The following LDLRAD4 variants were observed in gnomAD, a reference collection of about 807,000 sequenced individuals.
LDLRAD4 encodes low density lipoprotein receptor class A domain containing 4, also known as low-density lipoprotein receptor class A domain-containing protein 4.
In LDLRAD4, 5 loss-of-function variants were observed where a neutral mutation model predicts 17.0. That is an observed-to-expected ratio of 0.29 (90% confidence interval 0.15 to 0.62). The LOEUF is 0.62. Among genes scored for constraint, LDLRAD4 ranks in the 20% least tolerant of loss-of-function variants. LDLRAD4 has a pLI of 0.84. For missense variants in LDLRAD4, 340 were observed against 424.7 expected (o/e 0.80, Z 1.75); for synonymous variants, 168 against 171.8 (o/e 0.98, Z 0.17).
intron 1 of LDLRAD4, among the ~76,000 whole-genome samples, chr18:13,226,844 T>C (rs1418563513): frequency 6.6e-6 from 1 of 152,222 alleles, no homozygotes; most frequent in Non-Finnish European, 1.5e-5. Flanking sequence ...ACGATGGGCA[T>C]AGACTGCTCT....
chr18:13,288,827 C>CTA, intron 1 of LDLRAD4, among the ~76,000 whole-genome samples: 1 of 121,998 alleles, frequency 8.2e-6, no homozygotes, highest in African/African-American at 2.7e-5. Context: ...GGTAGCAGCC[C>CTA]CACAGACCAT....
intron 1 of LDLRAD4, among the ~76,000 whole-genome samples, chr18:13,379,943 G>C (rs1366615005): frequency 7.0e-6 from 1 of 143,472 alleles, no homozygotes; most frequent in East Asian, 2.0e-4. Context: ...GAGATCCCTG[G>C]GTGTGGAGGA....
At chr18:13,372,256 C>A (rs376906808) in intron 1 of LDLRAD4, among the ~76,000 whole-genome samples, 1 of 152,152 alleles carries the variant, frequency 6.6e-6, no homozygotes, top group East Asian at 1.9e-4. Flanking sequence ...GCAGGGCAGA[C>A]CTGGAGGTTG....
chr18:13,331,331 C>T (rs2081855529), intron 1 of LDLRAD4, among the ~76,000 whole-genome samples: 3 of 152,116 alleles, frequency 2.0e-5, no homozygotes, highest in Admixed American at 2.0e-4. Flanking sequence ...TGGGGAAGCC[C>T]CCTCCCCACA....
At chr18:13,526,817 A>C (rs2094038950) in intron 3 of LDLRAD4, 1 of 152,290 alleles carries the variant, frequency 6.6e-6, no homozygotes, top group African/African-American at 2.4e-5. Flanking sequence ...AACAGCAGAC[A>C]CGGTGTGAAC....
intron 3 of LDLRAD4, among the ~76,000 whole-genome samples, chr18:13,597,098 A>T (rs929949598): frequency 1.3e-5 from 2 of 152,174 alleles, no homozygotes; most frequent in Non-Finnish European, 2.9e-5. Flanking sequence ...TTCTTAAGTG[A>T]GTCTACTAGC....
intron 3 of LDLRAD4, among the ~76,000 whole-genome samples, chr18:13,511,126 G>A (rs766008592): frequency 2.0e-5 from 3 of 152,038 alleles, no homozygotes; most frequent in South Asian, 2.1e-4. Flanking sequence ...TGTGAGGAGC[G>A]GCCCAAGTGC....
chr18:13,541,273 T>C (rs369689867), intron 3 of LDLRAD4, among the ~76,000 whole-genome samples: 4 of 152,316 alleles, frequency 2.6e-5, no homozygotes, highest in African/African-American at 9.6e-5. Flanking sequence ...AGCAGTGAAA[T>C]GCGTGGTCCA....
intron 3 of LDLRAD4, among the ~76,000 whole-genome samples, chr18:13,540,081 A>G (rs911957317): frequency 1.3e-5 from 2 of 152,256 alleles, no homozygotes; most frequent in East Asian, 1.9e-4. Flanking sequence ...AAATGAGGAA[A>G]GTCCACAGTC....
At chr18:13,504,462 C>G (rs2093659605) in intron 3 of LDLRAD4, among the ~76,000 whole-genome samples, 1 of 152,220 alleles carries the variant, frequency 6.6e-6, no homozygotes, top group South Asian at 2.1e-4. Flanking sequence ...GAGTCTCACT[C>G]TGTCACCCAG....
At chr18:13,513,502 G>A (rs115787321) in intron 3 of LDLRAD4, among the ~76,000 whole-genome samples, 1,580 of 152,310 alleles carry the variant, frequency 0.01, 23 homozygotes, top group African/African-American at 0.035. Flanking sequence ...TAGGGAAAAT[G>A]CAAACTTCAG....
chr18:13,261,463 T>C (rs1482203110), intron 1 of LDLRAD4, among the ~76,000 whole-genome samples: 1 of 152,150 alleles, frequency 6.6e-6, no homozygotes, highest in East Asian at 1.9e-4. Flanking sequence ...TCAGCAAATG[T>C]TTACAGAAAT....
chr18:13,386,930 AGATAGATAGATAGATAGATGGATG>A (rs1348864755), intron 1 of LDLRAD4, among the ~76,000 whole-genome samples: 93 of 147,860 alleles, frequency 6.3e-4, no homozygotes, highest in African/African-American at 2.3e-3. Context: ...ATAGATAGAT[AGATAGATAGATAGATAGATGGATG>A]GATGGATAGA....
chr18:13,587,903 G>A (rs562791524), intron 3 of LDLRAD4, among the ~76,000 whole-genome samples: 19 of 152,272 alleles, frequency 1.2e-4, no homozygotes, highest in African/African-American at 4.3e-4. Flanking sequence ...AGTAATAGCC[G>A]GTAGCTGATC....
intron 4 of LDLRAD4, among the ~76,000 whole-genome samples, chr18:13,634,032 A>T (rs976013643): frequency 6.6e-6 from 1 of 152,204 alleles, no homozygotes; most frequent in Non-Finnish European, 1.5e-5. Flanking sequence ...AGAAACCCTC[A>T]ACAAAGTAGG....
At chr18:13,542,079 A>C (rs1057085232) in intron 3 of LDLRAD4, among the ~76,000 whole-genome samples, 1 of 152,164 alleles carries the variant, frequency 6.6e-6, no homozygotes, top group African/African-American at 2.4e-5. Context: ...CTGATTCTAA[A>C]AAAGGAAAAA....
intron 2 of LDLRAD4, among the ~76,000 whole-genome samples, chr18:13,437,379 A>G (rs1354384933): frequency 6.6e-6 from 1 of 152,262 alleles, no homozygotes; most frequent in Non-Finnish European, 1.5e-5. Context: ...CAGTCACTGT[A>G]AGATGTAATG....
At chr18:13,436,932 A>G (rs539552485) in intron 2 of LDLRAD4, among the ~76,000 whole-genome samples, 2 of 152,228 alleles carry the variant, frequency 1.3e-5, no homozygotes, top group Non-Finnish European at 2.9e-5. Context: ...GAGGATTATA[A>G]TACGCTTTTT....
At chr18:13,355,800 T>TA (rs975609117) in intron 1 of LDLRAD4, among the ~76,000 whole-genome samples, 4 of 151,478 alleles carry the variant, frequency 2.6e-5, no homozygotes, top group African/African-American at 7.3e-5. Context: ...CCTGGCTAAT[T>TA]AAAAAAAAAT....
Sources: allele counts gnomAD v4.1 joint callset (sites outside exome capture counted in the v4.1 genomes callset), GRCh38; gene constraint gnomAD v4.1.1; transcripts MANE v1.5; gene names NCBI Gene and HGNC (gene_info 2026-07-23, HGNC 2026-07-21).